Variants in SSBP3 observed in about 807,000 individuals in gnomAD.
SSBP3 encodes the protein single stranded DNA binding protein 3, also known as single-stranded DNA-binding protein 3.
Under a neutral mutation model 69.6 loss-of-function variants are expected in SSBP3, and 5 were observed. That is an observed-to-expected ratio of 0.07 (90% CI 0.04 to 0.15). The LOEUF (loss-of-function observed/expected upper bound fraction) is 0.15, where lower values mean the gene tolerates loss of function less well. SSBP3 is among the 10% of genes least tolerant of loss of function. The probability of loss-of-function intolerance (pLI) is 1.00; values close to 1 mark genes in which losing one functional copy is unlikely to be tolerated. For synonymous variants in SSBP3, 196 were observed against 193.4 expected (o/e 1.01, Z -0.11); for missense variants, 312 against 534.0 (o/e 0.58, Z 4.10).
chr1:54,235,280 T>A (rs12091124), intron 14 of SSBP3, among the ~76,000 whole-genome samples: 1 of 68,876 alleles, frequency 1.5e-5, no homozygotes, highest in African/African-American at 5.4e-5. Flanking sequence ...CCAGTTTTTT[T>A]TTTTTTTTTT....
chr1:54,331,187 C>T (rs1464360036), intron 4 of SSBP3, among the ~76,000 whole-genome samples: 1 of 152,128 alleles, frequency 6.6e-6, no homozygotes, highest in Non-Finnish European at 1.5e-5. Context: ...AGGTATATGC[C>T]TGGCTGGAGA....
At chr1:54,369,292 C>T (rs1461697188) in intron 4 of SSBP3, among the ~76,000 whole-genome samples, 1 of 46,954 alleles carries the variant, frequency 2.1e-5, no homozygotes, top group Admixed American at 2.8e-4. Flanking sequence ...AGAGGCTCCA[C>T]GGGATTGGGG....
intron 4 of SSBP3, among the ~76,000 whole-genome samples, chr1:54,348,388 T>C (rs1646726455): frequency 6.6e-6 from 1 of 152,070 alleles, no homozygotes; most frequent in Admixed American, 6.6e-5. Context: ...TCCTCCTGCC[T>C]TGCCCCCTCA....
intron 7 of SSBP3, among the ~76,000 whole-genome samples, chr1:54,253,020 G>A (rs1212399797): frequency 2.6e-5 from 4 of 152,146 alleles, no homozygotes; most frequent in African/African-American, 7.2e-5. Context: ...GTTTTGGAAC[G>A]AGGTGGTGGA....
intron 4 of SSBP3, among the ~76,000 whole-genome samples, chr1:54,359,288 T>C (rs998458402): frequency 6.7e-6 from 1 of 149,248 alleles, no homozygotes; most frequent in Non-Finnish European, 1.5e-5. Flanking sequence ...ACACAGATTA[T>C]AGCTGCTCTG....
intron 4 of SSBP3, among the ~76,000 whole-genome samples, chr1:54,371,295 T>C (rs550388334): frequency 1.1e-4 from 16 of 152,248 alleles, no homozygotes; most frequent in Non-Finnish European, 2.1e-4. Context: ...GAACACTCCA[T>C]TGTGGACTGA....
At chr1:54,342,381 T>A (rs1183621859) in intron 4 of SSBP3, among the ~76,000 whole-genome samples, 1 of 152,236 alleles carries the variant, frequency 6.6e-6, no homozygotes, top group Non-Finnish European at 1.5e-5. Context: ...CCTCCCTCCC[T>A]GGGAGGAGAT....
intron 5 of SSBP3, among the ~76,000 whole-genome samples, chr1:54,279,434 G>A (rs753524888): frequency 1.3e-5 from 2 of 152,230 alleles, no homozygotes; most frequent in Non-Finnish European, 2.9e-5. Context: ...AGGCAGACCT[G>A]AGCCTTGTCC....
chr1:54,290,739 C>T (rs1358338469), intron 4 of SSBP3, among the ~76,000 whole-genome samples: 1 of 152,226 alleles, frequency 6.6e-6, no homozygotes, highest in Non-Finnish European at 1.5e-5. Context: ...AGATACCTCC[C>T]ATCTGGGCCC....
chr1:54,359,747 A>G (rs1488326758), intron 4 of SSBP3, among the ~76,000 whole-genome samples: 1 of 152,214 alleles, frequency 6.6e-6, no homozygotes, highest in Non-Finnish European at 1.5e-5. Context: ...AGAATCAGAA[A>G]ATACGTTTCA....
intron 13 of SSBP3, among the ~76,000 whole-genome samples, chr1:54,239,794 C>T (rs1036489069): frequency 2.2e-4 from 33 of 152,196 alleles, no homozygotes; most frequent in Non-Finnish European, 4.4e-4. Context: ...GCCAGCTCCA[C>T]CCCTGCAGCT....
intron 4 of SSBP3, among the ~76,000 whole-genome samples, chr1:54,331,554 A>G (rs1215405358): frequency 6.6e-6 from 1 of 152,190 alleles, no homozygotes; most frequent in Non-Finnish European, 1.5e-5. Context: ...TACTGTGCAT[A>G]GGATCTCACA....
rs182185040 is a variant in SSBP3 at position 54,323,672 on chromosome 1, G to A, written c.277-42145C>T. Among the ~76,000 whole-genome samples the A allele has an allele frequency of 8.5e-5, 13 of 152,282 alleles. No individual in the cohort carries two copies. The East Asian group carries it at 2.3e-3, about 27-fold the overall frequency. ...TGGGGGCAAAGCTCAGCCTTGGATT[G>A]CAAAAGCCTGGATTCCAATGACAGC... On this transcript the variant is annotated intron_variant, in intron 4 of 17. Transcript: ENST00000610401.
chr1:54,319,055 G>C (rs553163860), intron 4 of SSBP3, among the ~76,000 whole-genome samples: 24 of 152,270 alleles, frequency 1.6e-4, no homozygotes, highest in Non-Finnish European at 2.6e-4. Flanking sequence ...CACACCAGCT[G>C]CAGCAGACCA....
intron 4 of SSBP3, among the ~76,000 whole-genome samples, chr1:54,301,510 A>G (rs1569700997): frequency 6.6e-6 from 1 of 151,918 alleles, no homozygotes; most frequent in Non-Finnish European, 1.5e-5. Flanking sequence ...AAGAATGCAA[A>G]CTCCAATTAC....
chr1:54,404,477 C>A (rs1225085456), intron 3 of SSBP3, 99 bp downstream of exon 3: 1 of 1,459,110 alleles, frequency 6.9e-7, no homozygotes, highest in East Asian at 2.3e-5. Flanking sequence ...CAGAGGGCCA[C>A]AGGGCGGAGG....
chr1:54,399,122 C>T (rs1649105319), intron 4 of SSBP3, among the ~76,000 whole-genome samples: 1 of 152,240 alleles, frequency 6.6e-6, no homozygotes, highest in Admixed American at 6.5e-5. Context: ...ATACAATCAG[C>T]ACGTGTGCCT....
chr1:54,258,109 G>A lies in SSBP3; in HGVS notation c.407C>T (p.Pro136Leu). The A allele has an allele frequency of 1.9e-6, 3 of 1,599,836 alleles. No individual in the cohort carries two copies. The highest frequency in any genetic ancestry group is 2.6e-6 in the Non-Finnish European group (3 of 1,174,500). ...CATCATGCTGCTAGGATTGTGAGGTGGAGGCTGTGCGTGCGGCGAGGGCTG... is the reference window on the plus strand; with the variant it reads ...CATCATGCTGCTAGGATTGTGAGGTAGAGGCTGTGCGTGCGGCGAGGGCTG... The change falls in exon 6 of 18, where the codon CCA becomes CTA. Residue 136 changes from proline to leucine, a missense_variant. By Grantham distance (98) the Pro-to-Leu change is moderately conservative. Around this residue, in one of 4 missense-constraint regions of SSBP3, gnomAD observed 134 missense variants for 212.1 expected, o/e 0.63. Transcript: ENST00000610401. The surrounding 1 kb of genome is among the most constrained non-coding windows in gnomAD (Gnocchi z 4.5).
At position 54,369,226 on chromosome 1, in the gene SSBP3, G is replaced by GC. The variant is rs991965069; in HGVS notation, c.276+32634_276+32635insG. 2.9e-4 allele frequency among the ~76,000 whole-genome samples: 44 copies of GC among 149,432 alleles called. 2 individuals are homozygous for GC. The highest frequency in any genetic ancestry group is 6.8e-3 in the Middle Eastern group (2 of 292). On this transcript the variant is annotated intron_variant, in intron 4 of 17. Coordinates refer to ENST00000610401, the Ensembl canonical transcript of SSBP3. ...AAAAAGTCCTCTTGAGTCGGGGGGG[G>GC]GGCCCAAGCCAGGCTCCCTGGGAAA...
Sources: allele counts gnomAD v4.1 joint callset (sites outside exome capture counted in the v4.1 genomes callset), GRCh38; gene constraint gnomAD v4.1.1; regional missense constraint gnomAD v4.1.1; non-coding constraint Gnocchi (gnomAD v3.1); transcripts MANE v1.5; gene names NCBI Gene and HGNC (gene_info 2026-07-23, HGNC 2026-07-21).